KCNK10: variants seen among roughly 807,000 people sequenced by gnomAD.
KCNK10 encodes potassium two pore domain channel subfamily K member 10, also known as potassium channel subfamily K member 10.
KCNK10 carries 25 observed loss-of-function variants against 47.7 expected under a neutral mutation model. The observed-to-expected ratio is 0.52, with a 90% CI of 0.38 to 0.73. The LOEUF is 0.73. KCNK10 is among the 30% of genes least tolerant of loss of function. KCNK10 has a pLI of 0.00. For missense variants in KCNK10, 563 were observed against 714.5 expected (o/e 0.79, Z 2.42); for synonymous variants, 303 against 285.6 (o/e 1.06, Z -0.61).
chr14:88,306,115 C>G (rs947439490), intron 1 of KCNK10, among the ~76,000 whole-genome samples: 5 of 152,218 alleles, frequency 3.3e-5, no homozygotes, highest in Non-Finnish European at 5.9e-5. Context: ...GGGACAGGCA[C>G]TGGAACATCT....
At chr14:88,302,958 G>T (rs1024630724) in intron 1 of KCNK10, among the ~76,000 whole-genome samples, 2 of 152,074 alleles carry the variant, frequency 1.3e-5, no homozygotes, top group East Asian at 3.9e-4. Context: ...AGACTCAGGG[G>T]ATGAATCTTA....
At chr14:88,285,906 C>T (rs1887749497) in intron 1 of KCNK10, among the ~76,000 whole-genome samples, 1 of 152,192 alleles carries the variant, frequency 6.6e-6, no homozygotes. Flanking sequence ...CTCCTTGAAT[C>T]TGGACAGGCT....
At chr14:88,302,617 G>A (rs1372988846) in intron 1 of KCNK10, among the ~76,000 whole-genome samples, 10 of 152,172 alleles carry the variant, frequency 6.6e-5, no homozygotes, top group Admixed American at 6.5e-4. Context: ...GGCTGAGGCA[G>A]GAAAATCGCT....
At chr14:88,241,100 G>T (rs1354585064) in intron 2 of KCNK10, among the ~76,000 whole-genome samples, 1 of 152,198 alleles carries the variant, frequency 6.6e-6, no homozygotes, top group Non-Finnish European at 1.5e-5. Flanking sequence ...CCCAGATTAT[G>T]CAAAATGTTA....
At chr14:88,246,630 T>C (rs181157484) in intron 2 of KCNK10, among the ~76,000 whole-genome samples, 1 of 152,302 alleles carries the variant, frequency 6.6e-6, no homozygotes, top group Non-Finnish European at 1.5e-5. Context: ...TCAGAGAGGA[T>C]TTCTGGGGCC....
intron 6 of KCNK10, 77 bp downstream of exon 6, chr14:88,187,890 C>T (rs1301285348): frequency 7.8e-6 from 12 of 1,544,862 alleles, no homozygotes; most frequent in Middle Eastern, 1.9e-4. Context: ...CTCCAGCCCA[C>T]AGGACAGAGA....
chr14:88,200,359 G>GA (rs1167491385), intron 4 of KCNK10, among the ~76,000 whole-genome samples: 11 of 152,038 alleles, frequency 7.2e-5, no homozygotes, highest in East Asian at 1.9e-4. Context: ...GCATAATTGA[G>GA]AAAAAAATTG....
Position 88,213,955 on chromosome 14 carries a change from T to TTATTATTATTATTATTATTAC in KCNK10, c.681+13419_681+13420insGTAATAATAATAATAATAATA, listed in dbSNP as rs1555360668. Among the ~76,000 whole-genome samples the TTATTATTATTATTATTATTAC allele has an allele frequency of 1.9e-3, 270 of 144,372 alleles. 2 individuals are homozygous for TTATTATTATTATTATTATTAC. The highest frequency in any genetic ancestry group is 7.3e-3 in the Middle Eastern group (2 of 274). The allele number at this position is 144,372 out of a possible 152,430, so 94.7% of individuals were successfully genotyped here. On this transcript the variant is annotated intron_variant, in intron 4 of 6. Transcript: ENST00000319231. Reference sequence around the variant, plus strand: ...ATTATTATTATTATTATTATTATTATTGAGACAGAGTTTCACTCGTGTTGC... The same window carrying TTATTATTATTATTATTATTAC: ...ATTATTATTATTATTATTATTATTATTATTATTATTATTATTATTACTGAGACAGAGTTTCACTCGTGTTGC...
rs35179933 is a variant in KCNK10, at chr14:88,322,408, GACAC to G, written c.52+335_52+338del. Among the ~76,000 whole-genome samples the G allele has an allele frequency of 0.23, 34,007 of 149,946 alleles. 4,003 individuals are homozygous for G. The highest frequency in any genetic ancestry group is 0.36 in the South Asian group (1,690 of 4,724). Reference sequence around the variant, plus strand: ...GAGACAAAGATCACCAGAAACAAAGGACACACACACACACACACACACACACACA... The same window carrying G: ...GAGACAAAGATCACCAGAAACAAAGGACACACACACACACACACACACACA... On this transcript the variant is annotated intron_variant, in intron 1 of 6. Coordinates refer to ENST00000319231, the MANE Select transcript of KCNK10 (RefSeq NM_138317.3). The surrounding 1 kb of genome is among the most constrained non-coding windows in gnomAD (Gnocchi z 4.8).
chr14:88,236,490 A>T lies in KCNK10; in HGVS notation c.520+4213T>A, dbSNP rs560474274. Among the ~76,000 whole-genome samples the T allele has an allele frequency of 3.9e-5, 6 of 152,362 alleles. No homozygotes were observed. In the South Asian group the frequency reaches 8.3e-4, roughly 21 times the overall value. ...AAGATGACTTTCAGCCAAGTAAGTG[A>T]TCATGAGATAAACCACAGCAAAAGG... On this transcript the variant is annotated intron_variant, in intron 3 of 6. Coordinates refer to ENST00000319231, the MANE Select transcript of KCNK10 (RefSeq NM_138317.3).
chr14:88,269,163 T>C (rs1420047937), intron 1 of KCNK10, among the ~76,000 whole-genome samples: 1 of 152,228 alleles, frequency 6.6e-6, no homozygotes, highest in African/African-American at 2.4e-5. Flanking sequence ...GGCACATATT[T>C]CATTTTCACC....
intron 4 of KCNK10, among the ~76,000 whole-genome samples, chr14:88,209,869 T>C (rs980098501): frequency 3.3e-5 from 5 of 152,148 alleles, no homozygotes; most frequent in African/African-American, 4.8e-5. Context: ...TCCAAAGCAC[T>C]TAGCACTGAG....
chr14:88,294,444 T>C (rs1887945781), intron 1 of KCNK10, among the ~76,000 whole-genome samples: 1 of 152,264 alleles, frequency 6.6e-6, no homozygotes, highest in African/African-American at 2.4e-5. Context: ...CAGTCCTGGA[T>C]GCATGATCTG....
intron 1 of KCNK10, among the ~76,000 whole-genome samples, chr14:88,284,336 G>C (rs438628): frequency 6.6e-6 from 1 of 152,112 alleles, no homozygotes; most frequent in Non-Finnish European, 1.5e-5. Flanking sequence ...CATTAGTCAG[G>C]GCTCTCGAGA....
rs149508532 is a variant in KCNK10 at position 88,224,453 on chromosome 14, C to T, written c.681+2922G>A. ...TGTCATAAAAACTCCAATAGTCAGG[C>T]ATTTTATTATTCTGCAACCAAAAGC... On this transcript the variant is annotated intron_variant, in intron 4 of 6. Transcript: ENST00000319231. Among the ~76,000 whole-genome samples, 1,514 of 152,298 alleles carry T rather than the reference C, an allele frequency of 9.9e-3. 29 individuals carry two copies. Among genetic ancestry groups the T allele is most frequent in the African/African-American group, 0.035 (1,454 of 41,568 alleles).
intron 4 of KCNK10, among the ~76,000 whole-genome samples, chr14:88,224,276 G>T (rs1183943824): frequency 2.6e-5 from 4 of 152,174 alleles, no homozygotes; most frequent in Admixed American, 1.3e-4. Flanking sequence ...CTAATTCAGG[G>T]TAAAGTGACT....
intron 1 of KCNK10, among the ~76,000 whole-genome samples, chr14:88,288,738 GTCT>G (rs1887820024): frequency 6.6e-6 from 1 of 152,102 alleles, no homozygotes; most frequent in Non-Finnish European, 1.5e-5. Context: ...AGCCACACTG[GTCT>G]TCTCATTTGT....
At chr14:88,191,249 CA>C (rs891960625) in intron 5 of KCNK10, among the ~76,000 whole-genome samples, 1 of 144,552 alleles carries the variant, frequency 6.9e-6, no homozygotes, top group African/African-American at 2.6e-5. Context: ...AGACCCTGTT[CA>C]AAAAAAACAA....
At chr14:88,278,055 C>A (rs1442329013) in intron 1 of KCNK10, among the ~76,000 whole-genome samples, 1 of 152,106 alleles carries the variant, frequency 6.6e-6, no homozygotes, top group East Asian at 1.9e-4. Flanking sequence ...ATCGGAGGCA[C>A]CAAGGTGATG....
Sources: allele counts gnomAD v4.1 joint callset (sites outside exome capture counted in the v4.1 genomes callset), GRCh38; gene constraint gnomAD v4.1.1; non-coding constraint Gnocchi (gnomAD v3.1); transcripts MANE v1.5; gene names NCBI Gene and HGNC (gene_info 2026-07-23, HGNC 2026-07-21).